The following DNMT3A variants were observed in gnomAD, a reference collection of about 807,000 sequenced individuals.
DNMT3A encodes DNA (cytosine-5)-methyltransferase 3A.
DNMT3A carries 267 observed loss-of-function variants against 117.6 expected under a neutral mutation model. The observed-to-expected ratio is 2.27, with a 90% CI of 2.05 to 2.51. DNMT3A has a LOEUF of 2.51. Among genes scored for constraint, DNMT3A ranks in the 30% most tolerant of loss-of-function variants. The pLI, the probability that DNMT3A is intolerant of heterozygous loss-of-function variation, is 0.00. For missense variants in DNMT3A, 1,029 were observed against 1,260.2 expected (o/e 0.82, Z 2.78); for synonymous variants, 432 against 474.8 (o/e 0.91, Z 1.17).
intron 6 of DNMT3A, among the ~76,000 whole-genome samples, chr2:25,250,848 A>G (rs1675439565): frequency 6.6e-6 from 1 of 152,200 alleles, no homozygotes; most frequent in Non-Finnish European, 1.5e-5. Flanking sequence ...ACCCGCTATC[A>G]GTTCCTGGCA....
chr2:25,296,592 G>T lies in DNMT3A; in HGVS notation c.177+3547C>A, dbSNP rs2033103070. ...CCAGCACACTTGACTGAAATAGAAGGCATCTTCCTCTGGTGGCTTCCCGCA... is the reference window on the plus strand; with the variant it reads ...CCAGCACACTTGACTGAAATAGAAGTCATCTTCCTCTGGTGGCTTCCCGCA... On this transcript the variant is annotated intron_variant, in intron 3 of 22. Coordinates refer to ENST00000321117, the MANE Select transcript of DNMT3A (RefSeq NM_022552.5). This position sits in a 1 kb window ranked among gnomAD's most constrained non-coding sequence, Gnocchi z 4.2. Among the ~76,000 whole-genome samples the T allele has an allele frequency of 6.6e-6, 1 of 152,200 alleles. No individual in the cohort carries two copies. The highest frequency in any genetic ancestry group is 6.5e-5 in the Admixed American group (1 of 15,276).
Position 25,246,623 on chromosome 2 carries a change from C to T in DNMT3A, c.1276G>A (p.Glu426Lys), listed in dbSNP as rs1573335892. Residue 426 changes from glutamate (E) to lysine (K), a missense_variant, in exon 10 of 23, where the codon GAA becomes AAA. By Grantham distance (56) the Glu-to-Lys change is moderately conservative. Transcript: ENST00000321117. ...AAAGCTGGGTGCCCTCATTTACCTT[C>T]TGGTGGCTCCAGGCCCTTAGGGCCA... ...PSGPKGLEPP[E>K]EEKNPYKEVY... 47 of 1,609,730 alleles carry T rather than the reference C, an allele frequency of 2.9e-5. No individual in the cohort carries two copies. The highest frequency in any genetic ancestry group is 3.9e-5 in the Non-Finnish European group (46 of 1,177,926).
At chr2:25,340,020 T>C (rs1222405118) in intron 1 of DNMT3A, among the ~76,000 whole-genome samples, 2 of 152,214 alleles carry the variant, frequency 1.3e-5, no homozygotes, top group Admixed American at 6.5e-5. Context: ...TGGCAGTCTC[T>C]GGGCACGGCA....
intron 1 of DNMT3A, among the ~76,000 whole-genome samples, chr2:25,319,560 G>A (rs2034514254): frequency 6.6e-6 from 1 of 152,152 alleles, no homozygotes; most frequent in South Asian, 2.1e-4. Context: ...GGGAAGGGAG[G>A]CTCCAGGATG....
At chr2:25,292,298 C>T (rs999639443) in intron 3 of DNMT3A, among the ~76,000 whole-genome samples, 11 of 151,958 alleles carry the variant, frequency 7.2e-5, no homozygotes, top group Non-Finnish European at 1.6e-4. Flanking sequence ...TGCAGTGAGC[C>T]GAGATCGCAC....
intron 2 of DNMT3A, among the ~76,000 whole-genome samples, chr2:25,303,346 C>T (rs1244971648): frequency 6.6e-6 from 1 of 152,272 alleles, no homozygotes; most frequent in Non-Finnish European, 1.5e-5. Context: ...GGGGCCCCGA[C>T]AGGCCACCCC....
intron 1 of DNMT3A, among the ~76,000 whole-genome samples, chr2:25,334,988 C>T (rs2035153708): frequency 6.6e-6 from 1 of 152,120 alleles, no homozygotes; most frequent in Admixed American, 6.5e-5. Context: ...TCAAAGAAAA[C>T]GAAAGTGTAC....
intron 1 of DNMT3A, among the ~76,000 whole-genome samples, chr2:25,320,717 TAATAA>T (rs567142212): frequency 1.3e-4 from 20 of 152,252 alleles, no homozygotes; most frequent in African/African-American, 4.3e-4. Context: ...TTTATCGAAA[TAATAA>T]AATAAACACT....
chr2:25,331,002 G>A (rs574821974), intron 1 of DNMT3A, among the ~76,000 whole-genome samples: 2 of 152,338 alleles, frequency 1.3e-5, no homozygotes, highest in African/African-American at 4.8e-5. Flanking sequence ...GGCTTCTTGG[G>A]AGGCAAAGAA....
intron 6 of DNMT3A, among the ~76,000 whole-genome samples, chr2:25,274,695 C>G (rs1489737156): frequency 6.6e-6 from 1 of 152,250 alleles, no homozygotes; most frequent in Non-Finnish European, 1.5e-5. Flanking sequence ...GCCTGTCTCC[C>G]CCATCAGAAT....
In DNMT3A at chr2:25,247,261, A is replaced by AGC; in HGVS notation, c.1015-105_1015-104dup. 8.5e-7 allele frequency: 1 copy of AGC among 1,171,004 alleles called. No homozygotes were observed. The highest frequency in any genetic ancestry group is 2.0e-5 in the Admixed American group (1 of 49,682). 72.5% of individuals were successfully genotyped at this position (1,171,004 alleles called of 1,614,324 possible). ...GCTGGGAGCCTCGAGAGTCAGTCTC[A>AGC]GCCCTGGAGGGGACCAGATACAGTG... On this transcript the variant is annotated intron_variant, in intron 8 of 22. Coordinates refer to ENST00000321117, the MANE Select transcript of DNMT3A (RefSeq NM_022552.5). This position sits in a 1 kb window ranked among gnomAD's most constrained non-coding sequence, Gnocchi z 5.6.
At position 25,339,991 on chromosome 2, in the gene DNMT3A, A is replaced by G. The variant is rs911954813; in HGVS notation, c.-178+1835T>C. ...CTAGGGTGAAACATGAAGACTGAGCAGGCCCTCAGGGATGCTGATGGCAGT... is the reference window on the plus strand; with the variant it reads ...CTAGGGTGAAACATGAAGACTGAGCGGGCCCTCAGGGATGCTGATGGCAGT... On this transcript the variant is annotated intron_variant, in intron 1 of 22. Coordinates refer to ENST00000321117, the MANE Select transcript of DNMT3A (RefSeq NM_022552.5). The surrounding 1 kb of genome is among the most constrained non-coding windows in gnomAD (Gnocchi z 4.9). Among the ~76,000 whole-genome samples the G allele has an allele frequency of 6.6e-6, 1 of 152,228 alleles. No homozygotes were observed. Among genetic ancestry groups the G allele is most frequent in the African/African-American group, 2.4e-5 (1 of 41,458 alleles).
rs1028330570 is a variant in DNMT3A, at chr2:25,230,159, C to A, written c.*4120G>T. 5.9e-5 allele frequency: 9 copies of A among 152,304 alleles called. No individual in the cohort carries two copies. The highest frequency in any genetic ancestry group is 2.2e-4 in the African/African-American group (9 of 41,472). The allele number at this position is 152,304 out of a possible 1,614,324, so 9.4% of individuals were successfully genotyped here. A position where few individuals can be genotyped will look rare whatever the true frequency, so the allele number is the denominator to read the frequency against. ...AATAGGATGTTCAATAGCAAGAAGT[C>A]TCTGGGGCCTAGAGACAAAAGGACA... On this transcript the variant is annotated 3_prime_UTR_variant, in exon 23 of 23. Transcript: ENST00000321117.
At chr2:25,312,226 C>A (rs953685031) in intron 2 of DNMT3A, among the ~76,000 whole-genome samples, 1 of 152,214 alleles carries the variant, frequency 6.6e-6, no homozygotes, top group Non-Finnish European at 1.5e-5. Context: ...GCACAGACAG[C>A]GGCAGGTGTC....
At position 25,300,684 on chromosome 2, in the gene DNMT3A, G is replaced by T. The variant is rs1481668068; in HGVS notation, c.73-441C>A. Among the ~76,000 whole-genome samples, 211 of 36,358 alleles carry T rather than the reference G, an allele frequency of 5.8e-3. 17 individuals are homozygous for T. The highest frequency in any genetic ancestry group is 0.019 in the African/African-American group (184 of 9,682). The allele number at this position is 36,358 out of a possible 152,430, so 23.9% of individuals were successfully genotyped here. On this transcript the variant is annotated intron_variant, in intron 2 of 22. Coordinates refer to ENST00000321117, the MANE Select transcript of DNMT3A (RefSeq NM_022552.5). Reference sequence around the variant, plus strand: ...AATATATTATTTAGATATATATTTAGATATATATTTATATATCTAAATAAT... The same window carrying T: ...AATATATTATTTAGATATATATTTATATATATATTTATATATCTAAATAAT...
chr2:25,336,173 T>C (rs1438949453), intron 1 of DNMT3A, among the ~76,000 whole-genome samples: 1 of 152,328 alleles, frequency 6.6e-6, no homozygotes, highest in Admixed American at 6.5e-5. Context: ...CACTCATGCC[T>C]GGGGGCCTGG....
chr2:25,307,075 C>T (rs938268090), intron 2 of DNMT3A, among the ~76,000 whole-genome samples: 13 of 152,230 alleles, frequency 8.5e-5, no homozygotes, highest in African/African-American at 3.1e-4. Context: ...TGACCATCAT[C>T]CTGCTCTGGG....
intron 12 of DNMT3A, among the ~76,000 whole-genome samples, 199 bp downstream of exon 12, chr2:25,245,821 C>A (rs1289732216): frequency 6.6e-6 from 1 of 152,222 alleles, no homozygotes; most frequent in Admixed American, 6.5e-5. Flanking sequence ...GTCCCACACC[C>A]TGAAGACCAG....
intron 6 of DNMT3A, among the ~76,000 whole-genome samples, chr2:25,250,404 A>C (rs574090299): frequency 6.6e-6 from 1 of 152,298 alleles, no homozygotes; most frequent in East Asian, 1.9e-4. Context: ...CTTTGCCCCC[A>C]ACCCCCAAAC....
Sources: allele counts gnomAD v4.1 joint callset (sites outside exome capture counted in the v4.1 genomes callset), GRCh38; gene constraint gnomAD v4.1.1; non-coding constraint Gnocchi (gnomAD v3.1); transcripts MANE v1.5; gene names NCBI Gene and HGNC (gene_info 2026-07-23, HGNC 2026-07-21).